ZFHX3: variants seen among roughly 807,000 people sequenced by gnomAD.
ZFHX3 encodes zinc finger homeobox protein 3.
A neutral mutation model predicts 279.1 loss-of-function variants in ZFHX3; 42 were observed. The ratio of observed to expected loss-of-function variants is 0.15; its 90% confidence interval spans 0.12 to 0.19. The LOEUF (loss-of-function observed/expected upper bound fraction) is 0.19. Ranked by LOEUF, ZFHX3 falls within the 10% of genes least tolerant of loss-of-function variation. The pLI, the probability that ZFHX3 is intolerant of heterozygous loss-of-function variation, is 1.00. For synonymous variants in ZFHX3, 2,293 were observed against 1,957.8 expected, an observed-to-expected ratio of 1.17 and a Z score of -4.52; for missense variants, 4,981 against 4,754.0, an observed-to-expected ratio of 1.05 and a Z score of -1.40.
chr16:72,866,203 G>C (rs879537200), intron 4 of ZFHX3, among the ~76,000 whole-genome samples: 1 of 152,178 alleles, frequency 6.6e-6, no homozygotes, highest in Non-Finnish European at 1.5e-5. Context: ...CAGAGAGGGA[G>C]AGTGAGAGCA....
chr16:73,146,784 T>C (rs1966865544), intron 5 of ZFHX3, among the ~76,000 whole-genome samples: 1 of 152,114 alleles, frequency 6.6e-6, no homozygotes, highest in South Asian at 2.1e-4. Context: ...GCCTCCCAAA[T>C]AGCTGGGACT....
chr16:72,952,554 C>T (rs537549003), intron 2 of ZFHX3, among the ~76,000 whole-genome samples: 1 of 152,264 alleles, frequency 6.6e-6, no homozygotes, highest in South Asian at 2.1e-4. Context: ...GCACAGACGC[C>T]CAAATGTTTG....
intron 2 of ZFHX3, among the ~76,000 whole-genome samples, chr16:73,479,592 C>T (rs1214086007): frequency 6.6e-6 from 1 of 152,214 alleles, no homozygotes; most frequent in African/African-American, 2.4e-5. Context: ...AACACGCCTG[C>T]CTCCTTCAAC....
intron 2 of ZFHX3, among the ~76,000 whole-genome samples, chr16:73,654,852 C>CG (rs2052707168): frequency 1.3e-5 from 1 of 78,776 alleles, no homozygotes; most frequent in Non-Finnish European, 2.6e-5. Flanking sequence ...CGATAGTAAT[C>CG]ACTTTTTTTT....
At position 73,156,277 on chromosome 16, in the gene ZFHX3, A is replaced by C. The variant is rs1039661763; in HGVS notation, c.-1103-12446T>G. 2.0e-5 allele frequency among the ~76,000 whole-genome samples: 3 copies of C among 151,492 alleles called. 1 individual carries two copies. Among genetic ancestry groups the C allele is most frequent in the Non-Finnish European group, 4.4e-5 (3 of 67,918 alleles). On this transcript the variant is annotated intron_variant, in intron 5 of 17. Transcript: ENST00000641206. ...GACTATATATAAAGTGTTCTTTTCC[A>C]GTAACACAAAAGTCAGGCTTATTAT...
At chr16:73,477,519 A>G (rs1255004380) in intron 2 of ZFHX3, among the ~76,000 whole-genome samples, 1 of 152,206 alleles carries the variant, frequency 6.6e-6, no homozygotes, top group African/African-American at 2.4e-5. Flanking sequence ...TCTATGTTCT[A>G]TGGTGGGGCT....
Position 72,977,597 on chromosome 16 carries a change from A to AG in ZFHX3, c.-49-17404_-49-17403insC, listed in dbSNP as rs1266307484. Among the ~76,000 whole-genome samples the AG allele has an allele frequency of 4.0e-5, 6 of 150,888 alleles. No individual in the cohort carries two copies. In the East Asian group the frequency reaches 7.8e-4, roughly 20 times the overall value. ...TCCCTGTCGTGGGTCAGTGGGGGGA[A>AG]AAAAATCACTCTCCACACAGCTCTT... On this transcript the variant is annotated intron_variant, in intron 1 of 9. Coordinates refer to ENST00000268489, the MANE Select transcript of ZFHX3 (RefSeq NM_006885.4).
At chr16:73,461,734 A>C (rs144287967) in intron 2 of ZFHX3, among the ~76,000 whole-genome samples, 1 of 152,160 alleles carries the variant, frequency 6.6e-6, no homozygotes, top group African/African-American at 2.4e-5. Context: ...ATTCTTCTTC[A>C]TTATCCGTGT....
intron 2 of ZFHX3, among the ~76,000 whole-genome samples, chr16:73,630,106 G>GA (rs1217184861): frequency 4.0e-5 from 6 of 149,606 alleles, no homozygotes; most frequent in Admixed American, 2.0e-4. Context: ...TCAGCACATT[G>GA]AAAAAAAAAA....
At chr16:73,263,247 G>A (rs900457266) in intron 4 of ZFHX3, among the ~76,000 whole-genome samples, 2 of 151,454 alleles carry the variant, frequency 1.3e-5, no homozygotes, top group Non-Finnish European at 1.5e-5. Context: ...CCAGATTAGA[G>A]GGCAGTCACT....
intron 3 of ZFHX3, among the ~76,000 whole-genome samples, chr16:73,425,196 G>C (rs1271245959): frequency 6.6e-6 from 1 of 152,194 alleles, no homozygotes; most frequent in Non-Finnish European, 1.5e-5. Context: ...GGAGAAGCTG[G>C]GGAAGTATAT....
At chr16:73,781,278 G>GA (rs1309756175) in intron 1 of ZFHX3, among the ~76,000 whole-genome samples, 2 of 152,138 alleles carry the variant, frequency 1.3e-5, no homozygotes, top group Non-Finnish European at 2.9e-5. Flanking sequence ...TTTACCTGAA[G>GA]GCCTTTGTAA....
chr16:72,880,124 C>T (rs578236896), intron 4 of ZFHX3, among the ~76,000 whole-genome samples: 6 of 152,334 alleles, frequency 3.9e-5, no homozygotes, highest in East Asian at 3.9e-4. Flanking sequence ...GCCTGGTGGG[C>T]GCTGACAGTT....
intron 4 of ZFHX3, among the ~76,000 whole-genome samples, chr16:73,293,708 A>T (rs1370749464): frequency 1.3e-5 from 2 of 152,234 alleles, no homozygotes; most frequent in South Asian, 4.1e-4. Context: ...GAACGTGTCC[A>T]TCAGAAGCAT....
At chr16:73,686,924 C>T (rs1567551855) in intron 1 of ZFHX3, among the ~76,000 whole-genome samples, 1 of 149,302 alleles carries the variant, frequency 6.7e-6, no homozygotes, top group Non-Finnish European at 1.5e-5. Flanking sequence ...GAATGGAACC[C>T]TTTTTTGTAC....
intron 2 of ZFHX3, among the ~76,000 whole-genome samples, chr16:73,616,442 C>A (rs1032131407): frequency 1.0e-3 from 136 of 134,802 alleles, no homozygotes; most frequent in Admixed American, 5.1e-3. Context: ...AAAAAAAAAA[C>A]ACCAATGCTG....
intron 1 of ZFHX3, among the ~76,000 whole-genome samples, chr16:73,697,941 A>G (rs1435961992): frequency 6.6e-6 from 1 of 152,208 alleles, no homozygotes; most frequent in African/African-American, 2.4e-5. Flanking sequence ...TGTTTTCTAC[A>G]AAATCATTTA....
chr16:73,128,691 C>G lies in ZFHX3; in HGVS notation c.-897+2277G>C, dbSNP rs1966616254. On this transcript the variant is annotated intron_variant, in intron 7 of 17. Coordinates refer to the ZFHX3 transcript ENST00000641206. Reference sequence around the variant, plus strand: ...TTTTGATCTTTTACCATTTTATACTCCCTATTCTCTTACAAGCCTCTGTAG... The same window carrying G: ...TTTTGATCTTTTACCATTTTATACTGCCTATTCTCTTACAAGCCTCTGTAG... Among the ~76,000 whole-genome samples the G allele has an allele frequency of 6.6e-5, 10 of 152,296 alleles. 1 individual carries two copies. In the South Asian group the frequency reaches 2.1e-3, roughly 32 times the overall value.
At chr16:73,784,804 T>A (rs1411833353) in intron 1 of ZFHX3, among the ~76,000 whole-genome samples, 3 of 125,488 alleles carry the variant, frequency 2.4e-5, no homozygotes, top group African/African-American at 7.1e-5. Flanking sequence ...AAAATATATA[T>A]ATATATATAT....
Sources: gnomAD v4.1 joint callset for allele counts (sites outside exome capture counted in the v4.1 genomes callset) on GRCh38, gnomAD v4.1.1 for gene constraint, MANE v1.5 for transcripts, NCBI Gene and HGNC (gene_info 2026-07-23, HGNC 2026-07-21) for gene names.